The following SART3 variants were observed in gnomAD, a reference collection of about 807,000 sequenced individuals.
SART3 encodes spliceosome associated factor 3, U4/U6 recycling protein, also known as HIV-1 Tat-interacting protein of 110kDa.
Under a neutral mutation model 122.3 loss-of-function variants are expected in SART3, and 44 were observed. The ratio of observed to expected loss-of-function variants is 0.36; its 90% CI spans 0.28 to 0.46. SART3 has a LOEUF of 0.46. SART3 is among the 20% of genes least tolerant of loss of function. The pLI is 1.00. For synonymous variants in SART3, 442 were observed against 454.0 expected, an observed-to-expected ratio of 0.97 and a Z score of 0.34; for missense variants, 1,101 against 1,229.0, an observed-to-expected ratio of 0.90 and a Z score of 1.56.
At chr12:108,549,056 T>C (rs374178028) in intron 2 of SART3, 32 bp downstream of exon 2, 6 of 1,613,744 alleles carry the variant, frequency 3.7e-6, no homozygotes, top group African/African-American at 2.7e-5. Flanking sequence ...CTTGTTTCTG[T>C]TTCTAAAAGC....
chr12:108,560,556 A>G, intron 1 of SART3: 1 of 451,742 alleles, frequency 2.2e-6, no homozygotes, highest in South Asian at 5.4e-5. Context: ...AGGAAGTGTT[A>G]TCTTGAGCAA....
intron 9 of SART3, 86 bp downstream of exon 9, chr12:108,537,401 CA>C: frequency 1.0e-6 from 1 of 988,156 alleles, no homozygotes. Flanking sequence ...TGCCCAATCA[CA>C]ATGTATCTGG....
In SART3 at chr12:108,523,542, G is replaced by A. The variant is rs115298393; in HGVS notation, c.2807C>T (p.Ala936Val). ...AAPQAENGPA[A>V]APAVAAPAAT... The stretch of plus-strand genomic sequence containing the variant: ...TGCTGGGGCGGCAACTGCAGGAGCC[G>A]CGGCAGGGCCGTTCTCAGCCTGAGG... Residue 936 changes from alanine to valine, a missense_variant, in exon 19 of 19, where the codon GCG becomes GTG. This residue lies in a region of SART3 where 885 missense variants were observed against 1,080.1 expected (regional missense o/e 0.82). Transcript: ENST00000546815. 319 of 1,613,948 alleles carry A rather than the reference G, an allele frequency of 2.0e-4. No individual in the cohort carries two copies. In the African/African-American group the frequency reaches 3.4e-3, roughly 17 times the overall value.
At chr12:108,544,731 A>C in intron 4 of SART3, 1 of 615,742 alleles carries the variant, frequency 1.6e-6, no homozygotes, top group Non-Finnish European at 2.9e-6. Context: ...ATGCCCAGCT[A>C]ATGTTTTAGT....
chr12:108,552,537 A>G (rs973661027), intron 1 of SART3, among the ~76,000 whole-genome samples: 3 of 138,014 alleles, frequency 2.2e-5, no homozygotes, highest in Non-Finnish European at 4.6e-5. Context: ...ATAAACATAC[A>G]AAAACAAAAA....
intron 1 of SART3, among the ~76,000 whole-genome samples, chr12:108,559,664 CAAAAAAA>C (rs35159668): frequency 2.4e-4 from 19 of 79,760 alleles, no homozygotes; most frequent in East Asian, 3.7e-4. Context: ...GACTCTGTCT[CAAAAAAA>C]AAAAAAAAAA....
intron 3 of SART3, among the ~76,000 whole-genome samples, chr12:108,547,651 C>A (rs1249064034): frequency 6.6e-6 from 1 of 152,170 alleles, no homozygotes; most frequent in Non-Finnish European, 1.5e-5. Flanking sequence ...GTCAATAAAT[C>A]CTGAGTGTGA....
In SART3 at chr12:108,526,394, A is replaced by T. The variant is rs747365670; in HGVS notation, c.2075T>A (p.Met692Lys). The T allele has an allele frequency of 6.2e-7, 1 of 1,614,074 alleles. No homozygotes were observed. Among genetic ancestry groups the T allele is most frequent in the Admixed American group, 1.7e-5 (1 of 60,014 alleles). The change falls in exon 16 of 19, where the codon ATG (methionine) becomes AAG (lysine). Residue 692 changes from methionine to lysine, a missense_variant. By Grantham distance (95) the Met-to-Lys change is moderately conservative. This residue lies in a region of SART3 where 885 missense variants were observed against 1,080.1 expected (regional missense o/e 0.82). Coordinates refer to ENST00000546815, the MANE Select transcript of SART3 (RefSeq NM_014706.4). ...KEKAASLKRD[M>K]PKVLHDSSKD... ...GCTGCTGTCGTGCAGCACCTTGGGC[A>T]TGTCCCTCTTCAGGGAGGCTGCCTT...
rs1024917129 is a variant in SART3, at chr12:108,560,848, C to G, written c.307G>C (p.Glu103Gln). 1.1e-5 allele frequency: 17 copies of G among 1,587,736 alleles called. No homozygotes were observed. The highest frequency in any genetic ancestry group is 1.2e-5 in the Non-Finnish European group (14 of 1,162,744). Residue 103 changes from glutamate to glutamine, a missense_variant, in exon 1 of 19, where the codon GAG becomes CAG. By Grantham distance (29) the Glu-to-Gln change is conservative. This residue lies in a region of SART3 where 216 missense variants were observed against 148.9 expected (regional missense o/e 1.45). Coordinates refer to ENST00000546815, the MANE Select transcript of SART3 (RefSeq NM_014706.4). The part of the protein sequence containing the change: ...KNQLEIERLE[E>Q]QLSINVYDYN... ...CTGCCCACCCCCGGGCCCACCTGCT[C>G]CTCCAGTCTCTCAATCTCCAGCTGG...
rs149887580 is a variant in SART3 at position 108,526,299 on chromosome 12, G to A, written c.2170C>T (p.Pro724Ser). 4.3e-6 allele frequency: 7 copies of A among 1,614,074 alleles called. No homozygotes were observed. In the African/African-American group the frequency reaches 8.0e-5, roughly 18 times the overall value. Residue 724 changes from proline (P) to serine (S), a missense_variant, in exon 16 of 19, where the codon CCA (proline) becomes TCA (serine). Coordinates refer to ENST00000546815, the MANE Select transcript of SART3 (RefSeq NM_014706.4). ...SMQEPDTKLR[P>S]LFEACGEVVQ... is the part of the protein sequence containing the mutation. ...ACCTCCCCACAGGCCTCGAAGAGTG[G>A]CCTGAGCTTCGTGTCCGGCTCCTGC...
chr12:108,528,508 G>T (rs11113977), intron 15 of SART3, among the ~76,000 whole-genome samples: 18,446 of 150,156 alleles, frequency 0.12, 1,261 homozygotes, highest in South Asian at 0.29. Context: ...AAAAAGTAGG[G>T]CCAAGCCTGG....
intron 5 of SART3, among the ~76,000 whole-genome samples, chr12:108,543,522 C>G (rs913513710): frequency 7.9e-5 from 12 of 152,178 alleles, no homozygotes; most frequent in African/African-American, 2.7e-4. Flanking sequence ...GCAGAGGGTT[C>G]AGTTGCTCGT....
intron 1 of SART3, chr12:108,560,547 G>A (rs973048965): frequency 4.2e-5 from 18 of 433,548 alleles, no homozygotes; most frequent in African/African-American, 6.1e-5. Context: ...CTGACTTGCA[G>A]GAAGTGTTAT....
chr12:108,532,118 C>G (rs1872705892), intron 13 of SART3, 104 bp downstream of exon 13: 2 of 925,908 alleles, frequency 2.2e-6, no homozygotes, highest in African/African-American at 3.2e-5. Context: ...CCTAAGGTGG[C>G]AGCATAAACA....
chr12:108,560,785 A>T, intron 1 of SART3, 58 bp downstream of exon 1: 1 of 1,480,698 alleles, frequency 6.8e-7, no homozygotes, highest in Non-Finnish European at 9.2e-7. Context: ...GGGCCAGGAC[A>T]TGGGGACCCG....
intron 10 of SART3, 33 bp downstream of exon 10, chr12:108,536,675 A>G: frequency 6.2e-7 from 1 of 1,612,258 alleles, no homozygotes; most frequent in South Asian, 1.1e-5. Flanking sequence ...AGGAAATACA[A>G]CTGGGCAAAA....
chr12:108,531,093 C>T, intron 14 of SART3, 111 bp downstream of exon 14: 1 of 772,696 alleles, frequency 1.3e-6, no homozygotes, highest in South Asian at 1.5e-5. Flanking sequence ...ATAATTAATA[C>T]TGAGTAAAAG....
chr12:108,525,474 G>C lies in SART3; in HGVS notation c.2506C>G (p.Arg836Gly), dbSNP rs763332490. Residue 836 changes from arginine to glycine, a missense_variant, in exon 17 of 19, where the codon CGG becomes GGG. Arg to Gly is a moderately radical substitution (Grantham distance 125). Transcript: ENST00000546815. ...ACTCTGACCTTTGGTTTGCCAGCCC[G>C]GTTGGTGACCAGCCTGAGGTCCTTC... ...TVKDLRLVTNRAGKPKGLAYV... is the reference protein window; with the variant it reads ...TVKDLRLVTNGAGKPKGLAYV... 6.2e-7 allele frequency: 1 copy of C among 1,614,168 alleles called. No homozygotes were observed. The highest frequency in any genetic ancestry group is 1.3e-5 in the African/African-American group (1 of 75,042).
At chr12:108,542,060 T>A (rs1184466675) in intron 6 of SART3, among the ~76,000 whole-genome samples, 3 of 127,936 alleles carry the variant, frequency 2.3e-5, no homozygotes, top group African/African-American at 9.0e-5. Context: ...GCTGCCAGGC[T>A]GATCTCAAAC....
Sources: gnomAD v4.1 joint callset for allele counts (sites outside exome capture counted in the v4.1 genomes callset) on GRCh38, gnomAD v4.1.1 for gene constraint, gnomAD v4.1.1 regional missense constraint, MANE v1.5 for transcripts, NCBI Gene and HGNC (gene_info 2026-07-23, HGNC 2026-07-21) for gene names.